The following RNF150 variants were observed in gnomAD, a reference collection of about 807,000 sequenced individuals.
The protein encoded by RNF150 is ring finger protein 150.
A neutral mutation model predicts 39.3 loss-of-function variants in RNF150; 24 were observed. The ratio of observed to expected loss-of-function variants is 0.61; its 90% CI spans 0.44 to 0.86. RNF150 has a LOEUF of 0.86. Among genes scored for constraint, RNF150 ranks in the 40% least tolerant of loss-of-function variants. The pLI, the probability that RNF150 is intolerant of heterozygous loss-of-function variation, is 0.00. For missense variants in RNF150, 502 were observed against 587.8 expected, an observed-to-expected ratio of 0.85 and a Z score of 1.51; for synonymous variants, 255 against 227.3, an observed-to-expected ratio of 1.12 and a Z score of -1.10.
At chr4:141,031,089 CT>C (rs1336352452) in intron 1 of RNF150, among the ~76,000 whole-genome samples, 2 of 151,930 alleles carry the variant, frequency 1.3e-5, no homozygotes, top group East Asian at 3.9e-4. Context: ...GTAGCTCCAA[CT>C]AATAATTAAA....
chr4:141,172,210 G>A (rs973574472), intron 1 of RNF150, among the ~76,000 whole-genome samples: 5 of 152,136 alleles, frequency 3.3e-5, no homozygotes, highest in African/African-American at 4.8e-5. Context: ...TTCTGGGACC[G>A]TGAGCTAGCT....
chr4:141,162,103 A>G (rs2111159344), intron 1 of RNF150, among the ~76,000 whole-genome samples: 1 of 152,296 alleles, frequency 6.6e-6, no homozygotes, highest in South Asian at 2.1e-4. Flanking sequence ...ACATGCCTGG[A>G]AAAACCTCTA....
In RNF150 at chr4:140,868,174, T is replaced by C. The variant is rs1728787497; in HGVS notation, c.*87A>G. The C allele has an allele frequency of 1.0e-5, 8 of 763,458 alleles. No homozygotes were observed. The highest frequency in any genetic ancestry group is 1.9e-5 in the Admixed American group (1 of 52,508). 47.3% of individuals were successfully genotyped at this position (763,458 alleles called of 1,614,324 possible). A position where few individuals can be genotyped will look rare whatever the true frequency, so the allele number is the denominator to read the frequency against. ...TGGAGTTGCCAAGGTGATCTGGAGG[T>C]GTGTGTGTGCCTGGTCCAAGTCTTG... On this transcript the variant is annotated 3_prime_UTR_variant, in exon 7 of 7. Coordinates refer to ENST00000515673, the MANE Select transcript of RNF150 (RefSeq NM_020724.2).
At chr4:140,929,179 A>G (rs989509400) in intron 4 of RNF150, among the ~76,000 whole-genome samples, 1 of 152,158 alleles carries the variant, frequency 6.6e-6, no homozygotes, top group South Asian at 2.1e-4. Flanking sequence ...GCAATCAAAT[A>G]AGATGATTAA....
At chr4:140,886,749 A>T (rs1196740945) in intron 6 of RNF150, among the ~76,000 whole-genome samples, 2 of 152,142 alleles carry the variant, frequency 1.3e-5, no homozygotes, top group Non-Finnish European at 2.9e-5. Flanking sequence ...CCTCCCTGGT[A>T]GCTGGGACTA....
chr4:141,155,252 ATTTTT>A (rs70946798), intron 1 of RNF150, among the ~76,000 whole-genome samples: 14 of 126,416 alleles, frequency 1.1e-4, no homozygotes, highest in African/African-American at 3.6e-4. Context: ...CACCCGGCTG[ATTTTT>A]TTTTTTTTTT....
intron 1 of RNF150, among the ~76,000 whole-genome samples, chr4:141,144,562 CT>C (rs1727170919): frequency 6.7e-6 from 1 of 149,708 alleles, no homozygotes; most frequent in Admixed American, 6.7e-5. Context: ...GCTCAATTTG[CT>C]CTTGATGTTT....
At chr4:140,915,359 T>C (rs1420995998) in intron 5 of RNF150, among the ~76,000 whole-genome samples, 3 of 152,164 alleles carry the variant, frequency 2.0e-5, no homozygotes, top group Non-Finnish European at 2.9e-5. Context: ...CCCAGTGAGA[T>C]GGAAAGTTTT....
rs371439010 is a variant in RNF150, at chr4:140,973,702, TTC to T, written c.485-5831_485-5830del. 3.2e-4 allele frequency among the ~76,000 whole-genome samples: 48 copies of T among 151,584 alleles called. No homozygotes were observed. In the East Asian group the frequency reaches 8.9e-3, roughly 28 times the overall value. ...GACCAGCTTGACCAACATGGTGAAATTCTGTCTCTACTAAAAATACAAAAATT... is the reference window on the plus strand; with the variant it reads ...GACCAGCTTGACCAACATGGTGAAATTGTCTCTACTAAAAATACAAAAATT... On this transcript the variant is annotated intron_variant, in intron 1 of 6. Transcript: ENST00000515673.
intron 1 of RNF150, among the ~76,000 whole-genome samples, chr4:141,167,124 A>T (rs1727618531): frequency 6.6e-6 from 1 of 152,166 alleles, no homozygotes; most frequent in Non-Finnish European, 1.5e-5. Context: ...ATATGCAAAA[A>T]TCAAAAGCAT....
At chr4:140,946,463 TA>T (rs1732315482) in intron 4 of RNF150, among the ~76,000 whole-genome samples, 1 of 152,242 alleles carries the variant, frequency 6.6e-6, no homozygotes, top group African/African-American at 2.4e-5. Flanking sequence ...ACTTTACTTT[TA>T]AAGTCTCTAA....
chr4:141,101,143 A>C (rs1393083647), intron 1 of RNF150, among the ~76,000 whole-genome samples: 1 of 152,232 alleles, frequency 6.6e-6, no homozygotes, highest in African/African-American at 2.4e-5. Flanking sequence ...TTCTGTCTTC[A>C]ATAATAAATT....
intron 1 of RNF150, among the ~76,000 whole-genome samples, chr4:141,021,997 A>C (rs1735513177): frequency 6.6e-6 from 1 of 152,220 alleles, no homozygotes; most frequent in African/African-American, 2.4e-5. Context: ...ACTGCAACTC[A>C]TGCTCTGTGC....
At chr4:140,897,668 A>C (rs1444052314) in intron 6 of RNF150, among the ~76,000 whole-genome samples, 2 of 152,182 alleles carry the variant, frequency 1.3e-5, no homozygotes, top group Non-Finnish European at 2.9e-5. Context: ...AGGTTAAATA[A>C]AATATGTAAA....
At position 140,874,596 on chromosome 4, in the gene RNF150, C is replaced by T. The variant is rs191350907; in HGVS notation, c.1199-6217G>A. Among the ~76,000 whole-genome samples, 516 of 152,290 alleles carry T rather than the reference C, an allele frequency of 3.4e-3. 8 individuals carry two copies. The highest frequency in any genetic ancestry group is 0.012 in the African/African-American group (480 of 41,570). ...TTTTTGAGACTGGGTTTCGCTCTCT[C>T]GCCCAGGCTGGAGCTTAGTGGTGCA... On this transcript the variant is annotated intron_variant, in intron 6 of 6. Coordinates refer to ENST00000515673, the MANE Select transcript of RNF150 (RefSeq NM_020724.2).
At chr4:141,095,948 C>T (rs1738757026) in intron 1 of RNF150, among the ~76,000 whole-genome samples, 1 of 152,122 alleles carries the variant, frequency 6.6e-6, no homozygotes, top group Admixed American at 6.5e-5. Context: ...AACATGCACT[C>T]TTACACAAAC....
Position 141,132,522 on chromosome 4 carries a change from G to A in RNF150, c.287C>T (p.Ala96Val), listed in dbSNP as rs760603840. 32 of 1,600,932 alleles carry A rather than the reference G, an allele frequency of 2.0e-5. No homozygotes were observed. The highest frequency in any genetic ancestry group is 2.6e-5 in the Non-Finnish European group (31 of 1,174,852). The change falls in exon 1 of 7, where the codon GCC becomes GTC. Residue 96 changes from alanine (A) to valine (V), a missense_variant. Ala to Val is a moderately conservative substitution (Grantham distance 64). Coordinates refer to ENST00000515673, the MANE Select transcript of RNF150 (RefSeq NM_020724.2). This position sits in a 1 kb window ranked among gnomAD's most constrained non-coding sequence, Gnocchi z 4.9. ...GGGGTCGCAGGCCAGGCGGTCGTGG[G>A]CCGAGCTGGCCATGACCACCTCCCC... ...ARGEVVMASS[A>V]HDRLACDPNT...
intron 1 of RNF150, among the ~76,000 whole-genome samples, chr4:141,032,026 A>G (rs1333588396): frequency 6.6e-6 from 1 of 151,962 alleles, no homozygotes; most frequent in Non-Finnish European, 1.5e-5. Context: ...ATGTATATAT[A>G]TACACACATA....
chr4:141,078,650 C>G (rs550163537), intron 1 of RNF150, among the ~76,000 whole-genome samples: 5 of 150,818 alleles, frequency 3.3e-5, no homozygotes, highest in African/African-American at 1.2e-4. Flanking sequence ...ATTAGCCGGG[C>G]GCGGTGGCAG....
Sources: allele counts gnomAD v4.1 joint callset (sites outside exome capture counted in the v4.1 genomes callset), GRCh38; gene constraint gnomAD v4.1.1; non-coding constraint Gnocchi (gnomAD v3.1); transcripts MANE v1.5; gene names NCBI Gene and HGNC (gene_info 2026-07-23, HGNC 2026-07-21).